The following NRG3 variants were observed in gnomAD, a reference collection of about 807,000 sequenced individuals.
The protein encoded by NRG3 is pro-neuregulin-3, membrane-bound isoform.
NRG3 carries 31 observed loss-of-function variants against 66.9 expected under a neutral mutation model. The ratio of observed to expected loss-of-function variants is 0.46; its 90% CI spans 0.35 to 0.63. NRG3 has a LOEUF of 0.63. Among genes scored for constraint, NRG3 ranks in the 20% least tolerant of loss-of-function variants. The probability of loss-of-function intolerance (pLI) is 0.00; values close to 1 mark genes in which losing one functional copy is unlikely to be tolerated. For synonymous variants in NRG3, 393 were observed against 359.4 expected (o/e 1.09, Z -1.06); for missense variants, 910 against 878.9 (o/e 1.04, Z -0.45).
intron 2 of NRG3, among the ~76,000 whole-genome samples, chr10:82,693,928 TTC>T (rs1490747068): frequency 6.6e-6 from 1 of 152,240 alleles, no homozygotes. Context: ...CAGCTTTTTA[TTC>T]TCTTATTTGG....
chr10:82,166,538 A>G (rs1312153512), intron 1 of NRG3, among the ~76,000 whole-genome samples: 1 of 151,884 alleles, frequency 6.6e-6, no homozygotes, highest in African/African-American at 2.4e-5. Context: ...TGTTACATAT[A>G]TTTCACTTTT....
chr10:82,915,108 C>T (rs1845704284), intron 4 of NRG3, among the ~76,000 whole-genome samples: 1 of 152,178 alleles, frequency 6.6e-6, no homozygotes, highest in Admixed American at 6.5e-5. Context: ...TTGTCCACAC[C>T]CAGTGTCCAA....
intron 2 of NRG3, among the ~76,000 whole-genome samples, chr10:82,693,877 G>T (rs911703628): frequency 5.9e-5 from 9 of 152,228 alleles, no homozygotes; most frequent in African/African-American, 2.2e-4. Flanking sequence ...CCTCAGTGTG[G>T]AAGGAGACCC....
At chr10:82,413,861 A>T (rs2088315956) in intron 2 of NRG3, among the ~76,000 whole-genome samples, 1 of 151,736 alleles carries the variant, frequency 6.6e-6, no homozygotes, top group African/African-American at 2.4e-5. Context: ...CAGCCTCCTC[A>T]CCTCTCTCGG....
intron 3 of NRG3, among the ~76,000 whole-genome samples, chr10:82,841,990 G>A (rs1034729190): frequency 3.3e-5 from 5 of 152,138 alleles, no homozygotes; most frequent in African/African-American, 4.8e-5. Context: ...AACCCATCTC[G>A]CAGCTCATCC....
chr10:82,859,716 C>T (rs2064015042), intron 3 of NRG3, among the ~76,000 whole-genome samples: 1 of 152,180 alleles, frequency 6.6e-6, no homozygotes, highest in Non-Finnish European at 1.5e-5. Context: ...TAGTTAATAA[C>T]AATGTATTTG....
At chr10:82,163,914 C>G (rs1390947907) in intron 1 of NRG3, among the ~76,000 whole-genome samples, 2 of 148,490 alleles carry the variant, frequency 1.3e-5, no homozygotes, top group Non-Finnish European at 3.0e-5. Flanking sequence ...TTTTGTTTCT[C>G]TCTTAAAATT....
chr10:82,649,519 G>A (rs2051242550), intron 2 of NRG3, among the ~76,000 whole-genome samples: 1 of 144,552 alleles, frequency 6.9e-6, no homozygotes, highest in Non-Finnish European at 1.5e-5. Context: ...GGCCCAGGCT[G>A]GAGTGCAGTG....
chr10:82,689,501 AG>A (rs1356678127), intron 2 of NRG3, among the ~76,000 whole-genome samples: 1 of 152,196 alleles, frequency 6.6e-6, no homozygotes, highest in African/African-American at 2.4e-5. Flanking sequence ...CTAGATGCCC[AG>A]GAATGACTAA....
intron 2 of NRG3, among the ~76,000 whole-genome samples, chr10:82,503,385 G>A (rs1403968146): frequency 3.9e-5 from 6 of 152,174 alleles, no homozygotes; most frequent in Admixed American, 6.5e-5. Flanking sequence ...AGGAACTTTG[G>A]TAGTAGAAAG....
chr10:82,838,494 A>G (rs1052066841), intron 3 of NRG3, among the ~76,000 whole-genome samples: 2 of 152,160 alleles, frequency 1.3e-5, no homozygotes, highest in Admixed American at 1.3e-4. Flanking sequence ...TATTCTTTTT[A>G]TTTTATGATG....
intron 2 of NRG3, among the ~76,000 whole-genome samples, chr10:82,637,246 C>T (rs1342490266): frequency 6.6e-6 from 1 of 151,998 alleles, no homozygotes; most frequent in Non-Finnish European, 1.5e-5. Flanking sequence ...TAAACGGCTC[C>T]TACTGGCCAA....
chr10:82,530,477 T>G (rs1174993170), intron 2 of NRG3, among the ~76,000 whole-genome samples: 1 of 152,016 alleles, frequency 6.6e-6, no homozygotes, highest in Non-Finnish European at 1.5e-5. Context: ...CTTAATTGTT[T>G]TTAAAAATGT....
At chr10:82,377,602 G>C (rs1184125147) in intron 2 of NRG3, among the ~76,000 whole-genome samples, 1 of 152,190 alleles carries the variant, frequency 6.6e-6, no homozygotes, top group Admixed American at 6.5e-5. Context: ...GAGAAGAGCA[G>C]TGACCTTATT....
chr10:82,485,174 C>T (rs967393007), intron 2 of NRG3, among the ~76,000 whole-genome samples: 6 of 151,804 alleles, frequency 4.0e-5, no homozygotes, highest in Non-Finnish European at 5.9e-5. Context: ...GGCTCAGGAA[C>T]TTAACTACAC....
chr10:81,880,172 A>G (rs150973364), intron 1 of NRG3, among the ~76,000 whole-genome samples: 3 of 152,238 alleles, frequency 2.0e-5, no homozygotes, highest in Non-Finnish European at 2.9e-5. Context: ...GGTCCTAATT[A>G]AAAAAAGAGG....
intron 2 of NRG3, among the ~76,000 whole-genome samples, chr10:82,506,142 G>A (rs1318240206): frequency 6.6e-6 from 1 of 152,150 alleles, no homozygotes. Context: ...CAGCTACTCG[G>A]GAGACTGAGG....
intron 2 of NRG3, among the ~76,000 whole-genome samples, chr10:82,380,817 T>C (rs1346337837): frequency 6.6e-6 from 1 of 152,162 alleles, no homozygotes; most frequent in African/African-American, 2.4e-5. Flanking sequence ...AGAGAAATTC[T>C]TAATATTAAC....
At chr10:82,333,660 A>G (rs1351358672) in intron 1 of NRG3, among the ~76,000 whole-genome samples, 1 of 152,148 alleles carries the variant, frequency 6.6e-6, no homozygotes, top group Admixed American at 6.5e-5. Flanking sequence ...TAGCAATTTT[A>G]GTTCCTGGAG....
Sources: gnomAD v4.1 joint callset for allele counts (sites outside exome capture counted in the v4.1 genomes callset) on GRCh38, gnomAD v4.1.1 for gene constraint, MANE v1.5 for transcripts, NCBI Gene and HGNC (gene_info 2026-07-23, HGNC 2026-07-21) for gene names.